The following TEN1 variants were observed in gnomAD, a reference collection of about 807,000 sequenced individuals.
TEN1 encodes CST complex subunit TEN1.
TEN1 carries 6 observed loss-of-function variants against 9.3 expected under a neutral mutation model. That is an observed-to-expected ratio of 0.65 (90% confidence interval 0.35 to 1.27). The LOEUF is 1.27. Ranked by LOEUF, TEN1 falls within the 50% of genes most tolerant of loss-of-function variation. TEN1 has a pLI of 0.03. For missense variants in TEN1, 149 were observed against 158.2 expected (o/e 0.94, Z 0.31); for synonymous variants, 65 against 65.6 (o/e 0.99, Z 0.04).
In TEN1 at chr17:76,000,412, C is replaced by G; in HGVS notation, c.*150C>G. 8.4e-7 allele frequency: 1 copy of G among 1,186,278 alleles called. No homozygotes were observed. The highest frequency in any genetic ancestry group is 1.1e-6 in the Non-Finnish European group (1 of 876,710). 73.5% of individuals were successfully genotyped at this position (1,186,278 alleles called of 1,614,324 possible). On this transcript the variant is annotated 3_prime_UTR_variant, in exon 4 of 4. Coordinates refer to ENST00000397640, the MANE Select transcript of TEN1 (RefSeq NM_001113324.3). The surrounding 1 kb of genome is among the most constrained non-coding windows in gnomAD (Gnocchi z 5.9). ...CGGGTGATGAATCCAGCCCCTTCCC[C>G]TACTTTGGGATTGGCTCAGCAATGA...
At chr17:75,988,753 T>G (rs187447218) in intron 2 of TEN1, among the ~76,000 whole-genome samples, 1 of 152,100 alleles carries the variant, frequency 6.6e-6, no homozygotes, top group Admixed American at 6.6e-5. Context: ...GTGGTGATAT[T>G]GCATCATTTA....
At chr17:75,983,684 G>A (rs2066136040) in intron 1 of TEN1, among the ~76,000 whole-genome samples, 1 of 152,194 alleles carries the variant, frequency 6.6e-6, no homozygotes, top group Non-Finnish European at 1.5e-5. Flanking sequence ...AAGGCTCAGA[G>A]ATTAGACATT....
At chr17:75,981,103 G>T (rs1269920598) in intron 1 of TEN1, among the ~76,000 whole-genome samples, 2 of 152,236 alleles carry the variant, frequency 1.3e-5, no homozygotes, top group African/African-American at 2.4e-5. Flanking sequence ...AGCTAAATTT[G>T]CTGAGTTTTT....
At chr17:75,991,163 A>AAG (rs1555621598) in intron 2 of TEN1, among the ~76,000 whole-genome samples, 5 of 149,906 alleles carry the variant, frequency 3.3e-5, no homozygotes, top group African/African-American at 7.4e-5. Context: ...AAAAAAAAAA[A>AAG]AAAAAGAAAA....
At chr17:75,995,343 G>A (rs1199691064) in intron 3 of TEN1, among the ~76,000 whole-genome samples, 3 of 152,082 alleles carry the variant, frequency 2.0e-5, no homozygotes, top group African/African-American at 4.8e-5. Flanking sequence ...CCTGGGAAAT[G>A]TAGCAAGAGC....
At chr17:75,980,212 G>A (rs981954898) in intron 1 of TEN1, among the ~76,000 whole-genome samples, 45 of 152,048 alleles carry the variant, frequency 3.0e-4, no homozygotes, top group Admixed American at 2.0e-4. Flanking sequence ...AGTGGCATGC[G>A]CCTGTAGTCC....
At chr17:75,980,343 GAAA>G (rs201996577) in intron 1 of TEN1, among the ~76,000 whole-genome samples, 1 of 150,352 alleles carries the variant, frequency 6.7e-6, no homozygotes, top group Non-Finnish European at 1.5e-5. Flanking sequence ...TGTCTCTACA[GAAA>G]AAAAACAAAA....
intron 3 of TEN1, among the ~76,000 whole-genome samples, chr17:75,999,366 GGA>G (rs907883446): frequency 5.3e-5 from 8 of 151,592 alleles, no homozygotes; most frequent in African/African-American, 1.9e-4. Context: ...TTTTTTAGGT[GGA>G]GTCTTGCTCT....
chr17:76,000,109 T>C lies in TEN1; in HGVS notation c.251-32T>C. 1 of 1,546,978 alleles carries C rather than the reference T, an allele frequency of 6.5e-7. No individual in the cohort carries two copies. The highest frequency in any genetic ancestry group is 8.7e-7 in the Non-Finnish European group (1 of 1,143,720). On this transcript the variant is annotated intron_variant, in intron 3 of 3. Transcript: ENST00000397640. This position sits in a 1 kb window ranked among gnomAD's most constrained non-coding sequence, Gnocchi z 5.9. ...AGGACGTTGTTGACACGCCGCTCAG[T>C]CGCCGTTCGTGCCCTGGTGTTTGTC...
In TEN1 at chr17:75,991,609, T is replaced by A. The variant is rs1452705083; in HGVS notation, c.236T>A (p.Leu79His). The change falls in exon 3 of 4, where the codon CTC becomes CAC. Residue 79 changes from leucine to histidine, a missense_variant. Leu to His is a moderately conservative substitution (Grantham distance 99). Coordinates refer to ENST00000397640, the MANE Select transcript of TEN1 (RefSeq NM_001113324.3). ...TCCCTGTACATCGTCCTCGGGGAGC[T>A]CCAGCATCAGCAGGGTGAGCTGCAG... ...VGSLYIVLGELQHQQDRGSVV... is the reference protein window; with the variant it reads ...VGSLYIVLGEHQHQQDRGSVV... The A allele has an allele frequency of 6.4e-7, 1 of 1,551,572 alleles. No homozygotes were observed. The highest frequency in any genetic ancestry group is 2.0e-5 in the Admixed American group (1 of 50,974).
At chr17:75,985,627 C>G (rs570265616) in intron 1 of TEN1, among the ~76,000 whole-genome samples, 1 of 152,134 alleles carries the variant, frequency 6.6e-6, no homozygotes, top group African/African-American at 2.4e-5. Context: ...TGGGTTCAAG[C>G]TATTCTCCTG....
intron 3 of TEN1, among the ~76,000 whole-genome samples, chr17:75,992,792 G>A (rs8076690): frequency 0.19 from 27,302 of 145,040 alleles, 5,915 homozygotes; most frequent in African/African-American, 0.53. Context: ...GATTACAGGC[G>A]TGAGCCACCG....
At position 75,982,002 on chromosome 17, in the gene TEN1, G is replaced by C. The variant is rs537210850; in HGVS notation, c.-7+2491G>C. On this transcript the variant is annotated intron_variant, in intron 1 of 3. Coordinates refer to ENST00000397640, the MANE Select transcript of TEN1 (RefSeq NM_001113324.3). The stretch of plus-strand genomic sequence containing the variant: ...AGATTGCACCACTGCATTCCAGCCT[G>C]GGCGACAGAGTGAGACTCTGTCTCA... Among the ~76,000 whole-genome samples, 237 of 152,080 alleles carry C rather than the reference G, an allele frequency of 1.6e-3. 1 individual carries two copies. The highest frequency in any genetic ancestry group is 2.6e-3 in the Non-Finnish European group (180 of 67,994).
At chr17:75,980,427 CATT>C (rs1483460889) in intron 1 of TEN1, among the ~76,000 whole-genome samples, 2 of 146,776 alleles carry the variant, frequency 1.4e-5, no homozygotes, top group East Asian at 4.0e-4. Flanking sequence ...CATCTCTAGT[CATT>C]TTTTTTTTTT....
chr17:75,994,884 G>C (rs549151921), intron 3 of TEN1, among the ~76,000 whole-genome samples: 8 of 152,098 alleles, frequency 5.3e-5, no homozygotes, highest in Non-Finnish European at 1.2e-4. Context: ...TGTCCACCCT[G>C]ACCTCTGGCC....
In TEN1 at chr17:75,991,659, G is replaced by A. The variant is rs1039007865; in HGVS notation, c.250+36G>A. ...GCCTCAGATCCCCTTTCTCATCCTG[G>A]GGCCTGAGCTGGGGCAGTCTTCGGG... On this transcript the variant is annotated intron_variant, in intron 3 of 3. Transcript: ENST00000397640. 5 of 1,544,598 alleles carry A rather than the reference G, an allele frequency of 3.2e-6. No individual in the cohort carries two copies. In the Admixed American group the frequency reaches 6.0e-5, roughly 18 times the overall value.
intron 1 of TEN1, among the ~76,000 whole-genome samples, chr17:75,981,736 A>T (rs1463369391): frequency 1.3e-5 from 2 of 151,874 alleles, no homozygotes; most frequent in Non-Finnish European, 2.9e-5. Context: ...CAGCCATAAA[A>T]CCCTAAATAT....
At chr17:75,998,486 A>G (rs2066231067) in intron 3 of TEN1, among the ~76,000 whole-genome samples, 1 of 152,104 alleles carries the variant, frequency 6.6e-6, no homozygotes, top group South Asian at 2.1e-4. Flanking sequence ...TGGGGCTAAC[A>G]GAAGCTGAGA....
At position 75,986,262 on chromosome 17, in the gene TEN1, A is replaced by T; in HGVS notation, c.70A>T (p.Ser24Cys). The change falls in exon 2 of 4, where the codon AGC becomes TGC. Residue 24 changes from serine (S) to cysteine (C), a missense_variant. Ser to Cys is a moderately radical substitution (Grantham distance 112). Coordinates refer to ENST00000397640, the MANE Select transcript of TEN1 (RefSeq NM_001113324.3). ...TAGTGCAGGCCAAGTTCCTGATGGG[A>T]GCACGCTGAGAACATTTGGCAGGTG... ...EVSAGQVPDGSTLRTFGRLCL... is the reference protein window; with the variant it reads ...EVSAGQVPDGCTLRTFGRLCL... The T allele has an allele frequency of 1.9e-6, 3 of 1,549,068 alleles. No individual in the cohort carries two copies. The highest frequency in any genetic ancestry group is 2.6e-6 in the Non-Finnish European group (3 of 1,145,784).
Sources: allele counts gnomAD v4.1 joint callset (sites outside exome capture counted in the v4.1 genomes callset), GRCh38; gene constraint gnomAD v4.1.1; non-coding constraint Gnocchi (gnomAD v3.1); transcripts MANE v1.5; gene names NCBI Gene and HGNC (gene_info 2026-07-23, HGNC 2026-07-21).